Variants in ADGRL3 observed in about 807,000 individuals in gnomAD.
The protein encoded by ADGRL3 is adhesion G protein-coupled receptor L3, also known as calcium-independent alpha-latrotoxin receptor 3.
ADGRL3 carries 62 observed loss-of-function variants against 153.5 expected under a neutral mutation model. The ratio of observed to expected loss-of-function variants is 0.40; its 90% CI spans 0.33 to 0.50. The LOEUF (loss-of-function observed/expected upper bound fraction) is 0.50, where lower values mean the gene tolerates loss of function less well. Among genes scored for constraint, ADGRL3 ranks in the 20% least tolerant of loss-of-function variants. ADGRL3 has a pLI of 0.47. For missense variants in ADGRL3, 1,641 were observed against 1,859.4 expected (o/e 0.88, Z 2.16); for synonymous variants, 710 against 672.5 (o/e 1.06, Z -0.86).
chr4:61,933,222 C>T (rs1215397699), intron 13 of ADGRL3, among the ~76,000 whole-genome samples: 1 of 152,106 alleles, frequency 6.6e-6, no homozygotes, highest in Non-Finnish European at 1.5e-5. Context: ...CTTCTTTACA[C>T]TGAAGAGGTC....
In ADGRL3 at chr4:61,761,235, G is replaced by A. The variant is rs142632804; in HGVS notation, c.1399+27681G>A. On this transcript the variant is annotated intron_variant, in intron 8 of 26. Transcript: ENST00000683033. The stretch of plus-strand genomic sequence containing the variant: ...TTCTAAACTTGTGGCTAATTTGTTA[G>A]TCCTACAAAGGCAATCTAGTCTCCA... Among the ~76,000 whole-genome samples the A allele has an allele frequency of 1.1e-4, 17 of 152,300 alleles. 1 individual carries two copies. The highest frequency in any genetic ancestry group is 7.2e-4 in the Admixed American group (11 of 15,304).
At chr4:61,327,712 CAA>C (rs1258414285) in intron 1 of ADGRL3, among the ~76,000 whole-genome samples, 5 of 151,716 alleles carry the variant, frequency 3.3e-5, no homozygotes, top group East Asian at 3.9e-4. Flanking sequence ...AAGAGATTGA[CAA>C]AGAGAATTTG....
In ADGRL3 at chr4:61,201,212, G is replaced by C. The variant is rs1340349004; in HGVS notation, c.-793G>C. On this transcript the variant is annotated 5_prime_UTR_variant, in exon 1 of 27. Transcript: ENST00000683033. ...GGTGGGAGAACTGGATATAAAGATC[G>C]GCTGGGGGGATGGTGGAAGATTTTT... is the stretch of plus-strand genomic sequence containing the variant. 2.6e-5 allele frequency: 4 copies of C among 152,766 alleles called. No homozygotes were observed. In the East Asian group the frequency reaches 7.9e-4, roughly 30 times the overall value. The allele number at this position is 152,766 out of a possible 1,614,324, so 9.5% of individuals were successfully genotyped here.
intron 4 of ADGRL3, among the ~76,000 whole-genome samples, chr4:61,547,850 A>G (rs1018756166): frequency 3.3e-5 from 5 of 152,248 alleles, no homozygotes; most frequent in African/African-American, 1.2e-4. Context: ...ACAGTGGCTG[A>G]ATAAATTTAC....
chr4:61,300,080 G>A (rs946717293), intron 1 of ADGRL3, among the ~76,000 whole-genome samples: 1 of 151,886 alleles, frequency 6.6e-6, no homozygotes, highest in African/African-American at 2.4e-5. Context: ...CAATTTTCTT[G>A]TATTTTACTT....
intron 3 of ADGRL3, among the ~76,000 whole-genome samples, chr4:61,514,156 G>T (rs774260946): frequency 6.6e-6 from 1 of 152,160 alleles, no homozygotes; most frequent in Non-Finnish European, 1.5e-5. Flanking sequence ...TTAGACAAGT[G>T]AGTGGAGAAT....
At chr4:62,005,046 G>C (rs1434245174) in intron 21 of ADGRL3, among the ~76,000 whole-genome samples, 3 of 152,104 alleles carry the variant, frequency 2.0e-5, no homozygotes, top group African/African-American at 7.2e-5. Context: ...TACTAGACTT[G>C]CTTCAGACAA....
intron 2 of ADGRL3, among the ~76,000 whole-genome samples, chr4:61,388,295 C>A (rs1325677838): frequency 6.6e-6 from 1 of 152,146 alleles, no homozygotes; most frequent in East Asian, 1.9e-4. Flanking sequence ...CAATGCCTAT[C>A]TTAAGGACTA....
chr4:61,845,913 A>G (rs1310460012), intron 9 of ADGRL3, among the ~76,000 whole-genome samples: 2 of 152,176 alleles, frequency 1.3e-5, no homozygotes, highest in Non-Finnish European at 2.9e-5. Context: ...TACCATTCCT[A>G]TTAACGTGTA....
At chr4:61,585,063 T>A (rs1348362334) in intron 4 of ADGRL3, among the ~76,000 whole-genome samples, 1 of 151,958 alleles carries the variant, frequency 6.6e-6, no homozygotes, top group Non-Finnish European at 1.5e-5. Flanking sequence ...AAAGTAACAT[T>A]ATAACCAACC....
intron 1 of ADGRL3, among the ~76,000 whole-genome samples, chr4:61,371,637 G>A (rs1270777375): frequency 6.6e-6 from 1 of 152,094 alleles, no homozygotes; most frequent in Non-Finnish European, 1.5e-5. Flanking sequence ...AGGGTAACCC[G>A]ACCTTTCTCT....
At position 62,007,425 on chromosome 4, in the gene ADGRL3, C is replaced by T. The variant is rs369489477; in HGVS notation, c.3395+9160C>T. On this transcript the variant is annotated intron_variant, in intron 21 of 26. Transcript: ENST00000683033. Reference sequence around the variant, plus strand: ...ATATATACACGTATATATATATACACATATATATATATATACACACACATA... The same window carrying T: ...ATATATACACGTATATATATATACATATATATATATATATACACACACATA... Among the ~76,000 whole-genome samples, 348 of 99,378 alleles carry T rather than the reference C, an allele frequency of 3.5e-3. 3 individuals are homozygous for T. Among genetic ancestry groups the T allele is most frequent in the African/African-American group, 0.011 (306 of 26,690 alleles). 65.2% of individuals were successfully genotyped at this position (99,378 alleles called of 152,430 possible). A position where few individuals can be genotyped will look rare whatever the true frequency, so the allele number is the denominator to read the frequency against.
intron 2 of ADGRL3, among the ~76,000 whole-genome samples, chr4:61,414,777 G>A (rs951062746): frequency 6.6e-6 from 1 of 151,758 alleles, no homozygotes; most frequent in East Asian, 1.9e-4. Flanking sequence ...TATTACCAAA[G>A]CTTATTCATC....
At chr4:61,776,359 T>C (rs1372171492) in intron 8 of ADGRL3, among the ~76,000 whole-genome samples, 1 of 152,174 alleles carries the variant, frequency 6.6e-6, no homozygotes, top group East Asian at 1.9e-4. Flanking sequence ...GAGTTCTTTA[T>C]TTTATTTTTT....
chr4:61,264,891 A>C (rs2092754281), intron 1 of ADGRL3, among the ~76,000 whole-genome samples: 1 of 151,996 alleles, frequency 6.6e-6, no homozygotes, highest in South Asian at 2.1e-4. Flanking sequence ...TACCAGTACA[A>C]GCTAAGAAGG....
At chr4:61,840,150 C>G (rs7437698) in intron 9 of ADGRL3, among the ~76,000 whole-genome samples, 55,236 of 152,012 alleles carry the variant, frequency 0.36, 12,620 homozygotes, top group East Asian at 0.75. Context: ...TGCAATCTCG[C>G]CTCCCTGCAA....
chr4:61,646,957 A>C (rs1277537507), intron 5 of ADGRL3, among the ~76,000 whole-genome samples: 1 of 152,206 alleles, frequency 6.6e-6, no homozygotes, highest in African/African-American at 2.4e-5. Flanking sequence ...CCTCCGAGCC[A>C]GGTGCGGATA....
At chr4:61,581,914 T>C (rs1380962761) in intron 4 of ADGRL3, among the ~76,000 whole-genome samples, 2 of 152,116 alleles carry the variant, frequency 1.3e-5, no homozygotes, top group African/African-American at 2.4e-5. Context: ...TCTTTTCTTA[T>C]CTTTATTACT....
intron 11 of ADGRL3, among the ~76,000 whole-genome samples, chr4:61,904,813 G>A (rs932096341): frequency 4.6e-5 from 7 of 151,988 alleles, no homozygotes; most frequent in East Asian, 1.9e-4. Context: ...TGTATCCTTC[G>A]TTTTGAAGAT....
Sources: allele counts gnomAD v4.1 joint callset (sites outside exome capture counted in the v4.1 genomes callset), GRCh38; gene constraint gnomAD v4.1.1; transcripts MANE v1.5; gene names NCBI Gene and HGNC (gene_info 2026-07-23, HGNC 2026-07-21).